NR5A2: variants seen among roughly 807,000 people sequenced by gnomAD.
NR5A2 encodes nuclear receptor subfamily 5 group A member 2, also known as CYP7A promoter-binding factor.
A neutral mutation model predicts 62.7 loss-of-function variants in NR5A2; 26 were observed. That is an observed-to-expected ratio of 0.41 (90% CI 0.30 to 0.58). NR5A2 has a LOEUF of 0.58. Ranked by LOEUF, NR5A2 falls within the 20% of genes least tolerant of loss-of-function variation. NR5A2 has a pLI of 0.22. For missense variants in NR5A2, 541 were observed against 669.1 expected (o/e 0.81, Z 2.11); for synonymous variants, 246 against 241.7 (o/e 1.02, Z -0.16).
At chr1:200,058,930 T>G (rs1163206007) in intron 5 of NR5A2, among the ~76,000 whole-genome samples, 2 of 149,784 alleles carry the variant, frequency 1.3e-5, no homozygotes, top group Non-Finnish European at 3.0e-5. Context: ...GCCAACATGG[T>G]GAAACCCCTT....
chr1:200,170,728 C>T (rs1022875989), intron 7 of NR5A2, among the ~76,000 whole-genome samples: 1 of 152,092 alleles, frequency 6.6e-6, no homozygotes, highest in Non-Finnish European at 1.5e-5. Context: ...TCCTCATTTG[C>T]AAAACATGTA....
rs576060444 is a variant in NR5A2 at position 200,048,165 on chromosome 1, C to T, written c.464-7C>T. On this transcript the variant is annotated splice_region_variant and splice_polypyrimidine_tract_variant and intron_variant, in intron 4 of 7. Transcript: ENST00000367362. The surrounding 1 kb of genome is among the most constrained non-coding windows in gnomAD (Gnocchi z 4.8). ...TTCCTTCCTTCCCCCCACCCCACCC[C>T]CAACAGCTGTAAGGGCCGACCGAAT... 1 of 1,591,174 alleles carries T rather than the reference C, an allele frequency of 6.3e-7. No homozygotes were observed. The highest frequency in any genetic ancestry group is 1.1e-5 in the South Asian group (1 of 88,216).
rs751145026 is a variant in NR5A2, at chr1:200,120,793, G to C, written c.1231-15G>C. On this transcript the variant is annotated splice_polypyrimidine_tract_variant and intron_variant, in intron 6 of 7. Transcript: ENST00000367362. Reference sequence around the variant, plus strand: ...TGATTCTGATAGTCCTTAAAACTGTGATTCTGTATTGCAGGTGGACTATTC... The same window carrying C: ...TGATTCTGATAGTCCTTAAAACTGTCATTCTGTATTGCAGGTGGACTATTC... The C allele has an allele frequency of 4.6e-6, 7 of 1,521,454 alleles. No individual in the cohort carries two copies. The East Asian group carries it at 1.6e-4, about 36-fold the overall frequency. The allele number at this position is 1,521,454 out of a possible 1,614,324, so 94.2% of individuals were successfully genotyped here. A position where few individuals can be genotyped will look rare whatever the true frequency, so the allele number is the denominator to read the frequency against.
At chr1:200,045,375 A>G (rs1436647627) in intron 3 of NR5A2, 68 bp from the exon 4 acceptor site, 4 of 1,402,662 alleles carry the variant, frequency 2.9e-6, no homozygotes, top group South Asian at 1.5e-5. Flanking sequence ...TGATTTTCTT[A>G]AAATGAAACA....
Position 200,029,079 on chromosome 1 carries a change from A to G in NR5A2, c.64+1168A>G, listed in dbSNP as rs769179060. On this transcript the variant is annotated intron_variant, in intron 1 of 7. Transcript: ENST00000367362. ...CAAGAAAGATGAGAGAGCAGCACACAACCATTTCGCATCTTTTTCGTCGGG... is the reference window on the plus strand; with the variant it reads ...CAAGAAAGATGAGAGAGCAGCACACGACCATTTCGCATCTTTTTCGTCGGG... 4.0e-4 allele frequency: 178 copies of G among 446,866 alleles called. 1 individual carries two copies. The highest frequency in any genetic ancestry group is 2.5e-3 in the South Asian group (159 of 64,174). The allele number at this position is 446,866 out of a possible 1,614,324, so 27.7% of individuals were successfully genotyped here.
chr1:200,131,669 G>A (rs1330357389), intron 7 of NR5A2, among the ~76,000 whole-genome samples: 2 of 152,194 alleles, frequency 1.3e-5, no homozygotes, highest in East Asian at 1.9e-4. Context: ...TCAGAAGAGC[G>A]TAGTTGGTTA....
Position 200,134,593 on chromosome 1 carries a change from A to C in NR5A2, c.1378+13638A>C, listed in dbSNP as rs138655404. ...GCGCAACGAAATCACCTATCAGTGCACTTCTCAGAATGTATCCTTGTCATT... is the reference window on the plus strand; with the variant it reads ...GCGCAACGAAATCACCTATCAGTGCCCTTCTCAGAATGTATCCTTGTCATT... On this transcript the variant is annotated intron_variant, in intron 7 of 7. Transcript: ENST00000367362. Among the ~76,000 whole-genome samples the C allele has an allele frequency of 4.0e-3, 614 of 152,290 alleles. 6 individuals are homozygous for C. The highest frequency in any genetic ancestry group is 0.014 in the African/African-American group (571 of 41,548).
intron 7 of NR5A2, among the ~76,000 whole-genome samples, chr1:200,163,527 G>A (rs1653755144): frequency 6.6e-6 from 1 of 151,478 alleles, no homozygotes; most frequent in East Asian, 1.9e-4. Flanking sequence ...TGTTTCCCAG[G>A]CTGGAGTGCA....
intron 7 of NR5A2, among the ~76,000 whole-genome samples, chr1:200,165,772 C>T (rs567525731): frequency 6.6e-6 from 1 of 152,316 alleles, no homozygotes; most frequent in African/African-American, 2.4e-5. Context: ...TGGTTACTTT[C>T]AAGTTTGGGC....
intron 7 of NR5A2, among the ~76,000 whole-genome samples, chr1:200,143,551 C>T (rs1428953174): frequency 6.6e-6 from 1 of 151,754 alleles, no homozygotes; most frequent in Non-Finnish European, 1.5e-5. Flanking sequence ...CTGGTTGCCA[C>T]ATGCATGGTT....
chr1:200,036,932 C>T (rs953260025), intron 1 of NR5A2, among the ~76,000 whole-genome samples: 2 of 152,204 alleles, frequency 1.3e-5, no homozygotes, highest in Non-Finnish European at 2.9e-5. Flanking sequence ...TTTTTTAAAG[C>T]ATGGATTTTT....
At chr1:200,043,619 A>G (rs979117267) in intron 2 of NR5A2, among the ~76,000 whole-genome samples, 155 bp from the exon 3 acceptor site, 1 of 152,256 alleles carries the variant, frequency 6.6e-6, no homozygotes, top group Non-Finnish European at 1.5e-5. Flanking sequence ...TTTACTTGTA[A>G]AAATAGTTCA....
intron 6 of NR5A2, among the ~76,000 whole-genome samples, chr1:200,113,571 G>A (rs1216337877): frequency 2.0e-5 from 3 of 152,168 alleles, no homozygotes; most frequent in East Asian, 1.9e-4. Flanking sequence ...TCATATACAT[G>A]TACTTCTTTT....
chr1:200,044,713 G>C (rs76201989), intron 3 of NR5A2, among the ~76,000 whole-genome samples: 2,818 of 151,848 alleles, frequency 0.019, 91 homozygotes, highest in African/African-American at 0.064. Flanking sequence ...GTGGCAAGTG[G>C]GTTAAATATG....
chr1:200,120,666 TG>T, intron 6 of NR5A2, 141 bp from the exon 7 acceptor site: 1 of 841,688 alleles, frequency 1.2e-6, no homozygotes, highest in Non-Finnish European at 1.7e-6. Flanking sequence ...AAGACCAGTC[TG>T]GTCAAATAGT....
chr1:200,115,015 TA>T (rs1404001326), intron 6 of NR5A2, among the ~76,000 whole-genome samples: 1 of 149,780 alleles, frequency 6.7e-6, no homozygotes, highest in Non-Finnish European at 1.5e-5. Flanking sequence ...TTTCCTTTTT[TA>T]TTGAGACTAA....
At chr1:200,042,218 T>G (rs1300167877) in intron 2 of NR5A2, among the ~76,000 whole-genome samples, 1 of 151,942 alleles carries the variant, frequency 6.6e-6, no homozygotes, top group Non-Finnish European at 1.5e-5. Context: ...TCTCGGAATG[T>G]TCCCAAACTC....
chr1:200,109,338 G>C (rs936594020), intron 5 of NR5A2, among the ~76,000 whole-genome samples: 51 of 152,086 alleles, frequency 3.4e-4, no homozygotes, highest in African/African-American at 1.2e-3. Context: ...CCTCCAGTTG[G>C]GAGCCTTCTG....
intron 7 of NR5A2, among the ~76,000 whole-genome samples, chr1:200,163,968 A>G (rs1157875026): frequency 5.3e-5 from 8 of 151,924 alleles, no homozygotes; most frequent in Non-Finnish European, 1.5e-5. Context: ...ATGTCTTTGG[A>G]TCATGGGGTC....
Sources: allele counts gnomAD v4.1 joint callset (sites outside exome capture counted in the v4.1 genomes callset), GRCh38; gene constraint gnomAD v4.1.1; non-coding constraint Gnocchi (gnomAD v3.1); transcripts MANE v1.5; gene names NCBI Gene and HGNC (gene_info 2026-07-23, HGNC 2026-07-21).